The following SPAG16 variants were observed in gnomAD, a reference collection of about 807,000 sequenced individuals.
SPAG16 encodes the protein sperm-associated antigen 16 protein.
Under a neutral mutation model 80.4 loss-of-function variants are expected in SPAG16, and 86 were observed. The observed-to-expected ratio is 1.07, with a 90% CI of 0.90 to 1.28. The LOEUF (loss-of-function observed/expected upper bound fraction) is 1.28. SPAG16 is among the 50% of genes most tolerant of loss of function. SPAG16 has a pLI of 0.00. For missense variants in SPAG16, 870 were observed against 765.3 expected (o/e 1.14, Z -1.61); for synonymous variants, 294 against 265.9 (o/e 1.11, Z -1.03).
chr2:213,368,276 T>G (rs1340534088), intron 8 of SPAG16, among the ~76,000 whole-genome samples: 1 of 152,210 alleles, frequency 6.6e-6, no homozygotes, highest in Non-Finnish European at 1.5e-5. Context: ...TGTAGGCTCT[T>G]TTTTGGATCC....
chr2:213,789,187 T>A (rs937895410), intron 10 of SPAG16, among the ~76,000 whole-genome samples: 2 of 151,984 alleles, frequency 1.3e-5, no homozygotes, highest in Non-Finnish European at 2.9e-5. Context: ...TACTCATTTA[T>A]TTAATTACTT....
chr2:214,353,406 G>A (rs1442095025), intron 15 of SPAG16, among the ~76,000 whole-genome samples: 1 of 152,132 alleles, frequency 6.6e-6, no homozygotes, highest in East Asian at 1.9e-4. Flanking sequence ...AAAAAAAGAA[G>A]TCATATTTTC....
intron 13 of SPAG16, among the ~76,000 whole-genome samples, chr2:214,084,106 A>G (rs2051563151): frequency 6.6e-6 from 1 of 151,922 alleles, no homozygotes; most frequent in East Asian, 1.9e-4. Flanking sequence ...ATTTTCATCC[A>G]TCTTCTCTTC....
At chr2:214,174,314 T>G (rs1221631585) in intron 15 of SPAG16, among the ~76,000 whole-genome samples, 1 of 151,952 alleles carries the variant, frequency 6.6e-6, no homozygotes, top group Non-Finnish European at 1.5e-5. Context: ...ATGACATGAT[T>G]GTATATCTAG....
intron 10 of SPAG16, among the ~76,000 whole-genome samples, chr2:213,796,357 T>G (rs2071027201): frequency 6.6e-6 from 1 of 152,208 alleles, no homozygotes; most frequent in Non-Finnish European, 1.5e-5. Context: ...TATCTCTCTA[T>G]ATTTGTCTCT....
At chr2:214,184,688 T>C (rs1172177587) in intron 15 of SPAG16, among the ~76,000 whole-genome samples, 1 of 152,086 alleles carries the variant, frequency 6.6e-6, no homozygotes. Context: ...GTCAGCAGTT[T>C]TGGTTTCTTT....
Position 213,677,416 on chromosome 2 carries a change from G to A in SPAG16, c.1071-185069G>A, listed in dbSNP as rs532232047. Among the ~76,000 whole-genome samples, 18 of 152,162 alleles carry A rather than the reference G, an allele frequency of 1.2e-4. No homozygotes were observed. In the East Asian group the frequency reaches 3.5e-3, roughly 29 times the overall value. On this transcript the variant is annotated intron_variant, in intron 10 of 15. Coordinates refer to ENST00000331683, the MANE Select transcript of SPAG16 (RefSeq NM_024532.5). The stretch of plus-strand genomic sequence containing the variant: ...CACATAGGCTCAAAATAAAAGGATG[G>A]AGGAAGATCTACCAAGCAAATGGAA...
chr2:214,112,382 C>G (rs1424097521), intron 14 of SPAG16, among the ~76,000 whole-genome samples: 4 of 152,080 alleles, frequency 2.6e-5, no homozygotes, highest in Non-Finnish European at 5.9e-5. Context: ...CCTTCTGTCT[C>G]ATTGATCTGT....
chr2:214,299,312 G>T (rs189620112), intron 15 of SPAG16, among the ~76,000 whole-genome samples: 36 of 135,526 alleles, frequency 2.7e-4, no homozygotes, highest in Admixed American at 2.0e-3. Flanking sequence ...GTGCAGTGGC[G>T]CAATCTTGGC....
At chr2:214,060,565 G>C (rs2050207938) in intron 13 of SPAG16, among the ~76,000 whole-genome samples, 1 of 152,112 alleles carries the variant, frequency 6.6e-6, no homozygotes, top group Non-Finnish European at 1.5e-5. Context: ...TAAGCAATGT[G>C]TAATACTTAT....
chr2:213,791,070 G>A (rs528083657), intron 10 of SPAG16, among the ~76,000 whole-genome samples: 3 of 152,040 alleles, frequency 2.0e-5, no homozygotes, highest in South Asian at 4.2e-4. Flanking sequence ...TCCAATTGTG[G>A]TTAATTTAGC....
At chr2:214,371,832 C>T (rs1164132790) in intron 15 of SPAG16, among the ~76,000 whole-genome samples, 2 of 151,514 alleles carry the variant, frequency 1.3e-5, no homozygotes, top group Non-Finnish European at 2.9e-5. Context: ...AGGCACCTGC[C>T]ACCACACCTG....
At chr2:213,889,396 A>G (rs1026596236) in intron 11 of SPAG16, among the ~76,000 whole-genome samples, 2 of 151,878 alleles carry the variant, frequency 1.3e-5, no homozygotes, top group Non-Finnish European at 2.9e-5. Flanking sequence ...CCAAAGACAT[A>G]TTAGACTTGT....
intron 12 of SPAG16, among the ~76,000 whole-genome samples, chr2:213,951,003 C>T (rs551419573): frequency 7.6e-5 from 11 of 145,550 alleles, no homozygotes; most frequent in South Asian, 2.3e-4. Flanking sequence ...TAAGCCACCA[C>T]GCCTAGCCTG....
chr2:213,327,986 A>G (rs1232047414), intron 5 of SPAG16, among the ~76,000 whole-genome samples: 1 of 152,128 alleles, frequency 6.6e-6, no homozygotes, highest in Non-Finnish European at 1.5e-5. Flanking sequence ...GAAGCTCATT[A>G]TATGTCCATT....
At chr2:213,564,564 T>C (rs2059700063) in intron 10 of SPAG16, among the ~76,000 whole-genome samples, 1 of 151,616 alleles carries the variant, frequency 6.6e-6, no homozygotes, top group Non-Finnish European at 1.5e-5. Context: ...AAACAATATA[T>C]GGGTGAAATA....
At chr2:213,370,054 T>C (rs1434426997) in intron 8 of SPAG16, among the ~76,000 whole-genome samples, 1 of 152,206 alleles carries the variant, frequency 6.6e-6, no homozygotes, top group Non-Finnish European at 1.5e-5. Context: ...TGCGTATTCA[T>C]CCCTTCCTCC....
chr2:214,227,680 A>T (rs1382657497), intron 15 of SPAG16, among the ~76,000 whole-genome samples: 1 of 146,878 alleles, frequency 6.8e-6, no homozygotes, highest in Admixed American at 6.9e-5. Flanking sequence ...CTATTAATAA[A>T]TTTCTTTCTT....
intron 10 of SPAG16, among the ~76,000 whole-genome samples, chr2:213,716,590 T>C (rs2066248414): frequency 6.6e-6 from 1 of 152,218 alleles, no homozygotes; most frequent in African/African-American, 2.4e-5. Context: ...AACTATTTTT[T>C]TGAGGGTAAA....
Sources: gnomAD v4.1 joint callset for allele counts (sites outside exome capture counted in the v4.1 genomes callset) on GRCh38, gnomAD v4.1.1 for gene constraint, MANE v1.5 for transcripts, NCBI Gene and HGNC (gene_info 2026-07-23, HGNC 2026-07-21) for gene names.